Variants in NTM observed in about 807,000 individuals in gnomAD.
NTM encodes neurotrimin.
NTM carries 13 observed loss-of-function variants against 42.1 expected under a neutral mutation model. That is an observed-to-expected ratio of 0.31 (90% CI 0.20 to 0.49). The LOEUF is 0.49. Ranked by LOEUF, NTM falls within the 20% of genes least tolerant of loss-of-function variation. The probability of loss-of-function intolerance (pLI) is 0.99; values close to 1 mark genes in which losing one functional copy is unlikely to be tolerated. For synonymous variants in NTM, 187 were observed against 179.2 expected, an observed-to-expected ratio of 1.04 and a Z score of -0.35; for missense variants, 373 against 452.8, an observed-to-expected ratio of 0.82 and a Z score of 1.60.
chr11:132,314,640 G>A lies in NTM; in HGVS notation c.871G>A (p.Gly291Arg). The change falls in exon 7 of 9, where the codon GGG becomes AGG. Residue 291 changes from glycine (G) to arginine (R), a missense_variant. Around this residue, in one of 3 missense-constraint regions of NTM, gnomAD observed 312 missense variants for 353.5 expected, o/e 0.88. Coordinates refer to ENST00000683400, the MANE Select transcript of NTM (RefSeq NM_001352005.2). Reference protein sequence around the residue: ...IFFNVSEHDYGNYTCVASNKL... With the variant: ...IFFNVSEHDYRNYTCVASNKL... Reference sequence around the variant, plus strand: ...CTTCAATGTCTCTGAACATGACTATGGGAACTACACTTGCGTGGCCTCCAA... The same window carrying A: ...CTTCAATGTCTCTGAACATGACTATAGGAACTACACTTGCGTGGCCTCCAA... 6.2e-7 allele frequency: 1 copy of A among 1,613,968 alleles called. No individual in the cohort carries two copies.
chr11:131,470,182 C>T (rs1187646364), intron 1 of NTM, among the ~76,000 whole-genome samples: 3 of 152,156 alleles, frequency 2.0e-5, no homozygotes, highest in Non-Finnish European at 4.4e-5. Context: ...TTTTAAAGAC[C>T]TGTTCTGCTA....
chr11:131,546,039 T>A (rs1208296478), intron 1 of NTM, among the ~76,000 whole-genome samples: 2 of 152,156 alleles, frequency 1.3e-5, no homozygotes, highest in Non-Finnish European at 2.9e-5. Context: ...GGAATTTGAA[T>A]TTTTATACTG....
At chr11:131,777,777 T>A (rs1044120835) in intron 1 of NTM, among the ~76,000 whole-genome samples, 9 of 152,178 alleles carry the variant, frequency 5.9e-5, no homozygotes, top group Admixed American at 1.3e-4. Flanking sequence ...ATGACAGGGT[T>A]TATCTACAGC....
chr11:131,663,245 T>C (rs969047663), intron 1 of NTM: 1 of 152,226 alleles, frequency 6.6e-6, no homozygotes, highest in Non-Finnish European at 1.5e-5. Context: ...CAGTGTTGTT[T>C]CCCAAGATAT....
chr11:131,446,300 G>T (rs1213446819), intron 1 of NTM, among the ~76,000 whole-genome samples: 1 of 152,070 alleles, frequency 6.6e-6, no homozygotes, highest in Non-Finnish European at 1.5e-5. Flanking sequence ...GCCCGGCTCA[G>T]CCTCAGGGTG....
intron 4 of NTM, among the ~76,000 whole-genome samples, chr11:132,216,906 C>A (rs929894199): frequency 1.3e-5 from 2 of 152,224 alleles, no homozygotes; most frequent in African/African-American, 4.8e-5. Flanking sequence ...ACAAGATCTC[C>A]AAGCCTTTCC....
At chr11:131,901,338 T>G (rs541242264) in intron 1 of NTM, among the ~76,000 whole-genome samples, 2 of 152,348 alleles carry the variant, frequency 1.3e-5, no homozygotes, top group Admixed American at 6.5e-5. Context: ...GCCAGCAACT[T>G]ACATGCATAC....
At chr11:131,982,597 A>G (rs1169349866) in intron 2 of NTM, among the ~76,000 whole-genome samples, 1 of 152,126 alleles carries the variant, frequency 6.6e-6, no homozygotes, top group Non-Finnish European at 1.5e-5. Context: ...CTTTAAAGCA[A>G]GTGTCACTGG....
intron 3 of NTM, among the ~76,000 whole-genome samples, chr11:132,162,370 G>T (rs751901732): frequency 3.3e-5 from 5 of 149,368 alleles, no homozygotes; most frequent in Non-Finnish European, 7.4e-5. Context: ...GGGGGACTGC[G>T]TGAGTGTGTG....
intron 4 of NTM, among the ~76,000 whole-genome samples, chr11:132,232,086 C>T (rs945419233): frequency 4.6e-5 from 7 of 152,190 alleles, no homozygotes; most frequent in Non-Finnish European, 7.3e-5. Flanking sequence ...AAAAACTTCA[C>T]GTTGCGTTGT....
chr11:131,774,194 T>TCA, intron 1 of NTM: 1 of 835,374 alleles, frequency 1.2e-6, no homozygotes, highest in Non-Finnish European at 1.4e-6. Flanking sequence ...CTCCATAGCC[T>TCA]TTATGAGGCT....
chr11:131,570,458 A>C (rs1274375774), intron 1 of NTM, among the ~76,000 whole-genome samples: 1 of 152,240 alleles, frequency 6.6e-6, no homozygotes, highest in African/African-American at 2.4e-5. Context: ...AGAACAAATT[A>C]AAAGGAGTGA....
intron 4 of NTM, among the ~76,000 whole-genome samples, chr11:132,306,970 G>A (rs924140521): frequency 3.3e-5 from 5 of 152,138 alleles, no homozygotes; most frequent in Non-Finnish European, 7.3e-5. Flanking sequence ...TGAAGACAAT[G>A]AGTCCCGCAA....
chr11:131,388,048 A>C (rs1943545666), intron 1 of NTM, among the ~76,000 whole-genome samples: 1 of 152,180 alleles, frequency 6.6e-6, no homozygotes, highest in South Asian at 2.1e-4. Flanking sequence ...AAATTTGAGA[A>C]CCATTGATTT....
intron 2 of NTM, among the ~76,000 whole-genome samples, chr11:132,065,032 G>C (rs1793636): frequency 0.28 from 42,197 of 152,120 alleles, 6,091 homozygotes; most frequent in South Asian, 0.32. Context: ...CACAGGAAGA[G>C]GTTAGGGGAA....
intron 4 of NTM, among the ~76,000 whole-genome samples, chr11:132,252,203 T>G (rs2092021229): frequency 6.6e-6 from 1 of 152,002 alleles, no homozygotes; most frequent in African/African-American, 2.4e-5. Context: ...TTGTTTCCCA[T>G]CTTATGAAAA....
intron 2 of NTM, among the ~76,000 whole-genome samples, chr11:131,995,893 G>A (rs2067919073): frequency 6.6e-6 from 1 of 152,132 alleles, no homozygotes; most frequent in African/African-American, 2.4e-5. Flanking sequence ...GAGCAGTCCT[G>A]CTGAATGAGG....
intron 1 of NTM, among the ~76,000 whole-genome samples, chr11:131,372,598 G>A (rs1941372907): frequency 6.6e-6 from 1 of 152,046 alleles, no homozygotes; most frequent in South Asian, 2.1e-4. Context: ...GCAAGGGGTA[G>A]GGTGAGGGGT....
chr11:131,870,078 A>G (rs1239132668), intron 1 of NTM, among the ~76,000 whole-genome samples: 2 of 152,214 alleles, frequency 1.3e-5, no homozygotes, highest in East Asian at 3.9e-4. Context: ...TGAAGCTGGG[A>G]TAGAAGCCTG....
Sources: allele counts gnomAD v4.1 joint callset (sites outside exome capture counted in the v4.1 genomes callset), GRCh38; gene constraint gnomAD v4.1.1; regional missense constraint gnomAD v4.1.1; transcripts MANE v1.5; gene names NCBI Gene and HGNC (gene_info 2026-07-23, HGNC 2026-07-21).